ADAMTSL3: variants seen among roughly 807,000 people sequenced by gnomAD.
ADAMTSL3 encodes ADAMTS-like protein 3.
In ADAMTSL3, 128 loss-of-function variants were observed where a neutral mutation model predicts 201.7. The ratio of observed to expected loss-of-function variants is 0.63; its 90% confidence interval spans 0.55 to 0.73. The LOEUF is 0.73. Among genes scored for constraint, ADAMTSL3 ranks in the 30% least tolerant of loss-of-function variants. ADAMTSL3 has a pLI of 0.00. For missense variants in ADAMTSL3, 1,990 were observed against 2,119.6 expected (o/e 0.94, Z 1.20); for synonymous variants, 738 against 748.4 (o/e 0.99, Z 0.23).
At chr15:83,938,241 T>C (rs971142091) in intron 17 of ADAMTSL3, among the ~76,000 whole-genome samples, 3 of 152,208 alleles carry the variant, frequency 2.0e-5, no homozygotes, top group Admixed American at 6.5e-5. Flanking sequence ...GTTAAATAGG[T>C]GATGCACTCA....
At chr15:83,740,962 TAGAA>T (rs1180887845) in intron 3 of ADAMTSL3, among the ~76,000 whole-genome samples, 2 of 152,196 alleles carry the variant, frequency 1.3e-5, no homozygotes, top group African/African-American at 2.4e-5. Context: ...GTTTATTCCT[TAGAA>T]AGACACCAGG....
chr15:83,742,249 G>T (rs117738308), intron 3 of ADAMTSL3, among the ~76,000 whole-genome samples: 8,342 of 152,020 alleles, frequency 0.055, 297 homozygotes, highest in Non-Finnish European at 0.08. Context: ...TGAATCAAAG[G>T]AAAAATAAAA....
At chr15:83,997,834 G>A (rs2067715799) in intron 23 of ADAMTSL3, among the ~76,000 whole-genome samples, 3 of 152,010 alleles carry the variant, frequency 2.0e-5, no homozygotes, top group Non-Finnish European at 2.9e-5. Context: ...TATAAAATGA[G>A]GAATTATGAT....
chr15:83,983,275 A>G lies in ADAMTSL3; in HGVS notation c.3647A>G (p.Asp1216Gly). 1 of 1,607,346 alleles carries G rather than the reference A, an allele frequency of 6.2e-7. No homozygotes were observed. Among genetic ancestry groups the G allele is most frequent in the Non-Finnish European group, 8.5e-7 (1 of 1,176,778 alleles). Reference sequence around the variant, plus strand: ...ACAGAGGTCATCAATATACTGTGTGACCTTATTACCCCCAGTGAGGCCACA... The same window carrying G: ...ACAGAGGTCATCAATATACTGTGTGGCCTTATTACCCCCAGTGAGGCCACA... ...KRTEVINILC[D>G]LITPSEATYT... The change falls in exon 21 of 30, where the codon GAC (aspartate) becomes GGC (glycine). Residue 1216 changes from aspartate (D) to glycine (G), a missense_variant. Asp to Gly is a moderately conservative substitution (Grantham distance 94, BLOSUM62 -1). Transcript: ENST00000286744.
At chr15:83,768,549 G>A (rs2062928092) in intron 3 of ADAMTSL3, among the ~76,000 whole-genome samples, 1 of 152,156 alleles carries the variant, frequency 6.6e-6, no homozygotes, top group South Asian at 2.1e-4. Context: ...CCAAGAGAGA[G>A]CATAGTTGCA....
chr15:83,764,779 A>G (rs938525559), intron 3 of ADAMTSL3, among the ~76,000 whole-genome samples: 1 of 152,032 alleles, frequency 6.6e-6, no homozygotes, highest in African/African-American at 2.4e-5. Context: ...GCGTGTTTTA[A>G]AAATGCTTCC....
intron 6 of ADAMTSL3, among the ~76,000 whole-genome samples, chr15:83,832,145 A>G (rs992881649): frequency 3.9e-5 from 6 of 152,146 alleles, no homozygotes; most frequent in East Asian, 3.9e-4. Flanking sequence ...GATGGCCTCA[A>G]TTGAGTGAAA....
intron 26 of ADAMTSL3, among the ~76,000 whole-genome samples, chr15:84,022,129 A>C (rs912316003): frequency 6.6e-6 from 1 of 152,128 alleles, no homozygotes; most frequent in African/African-American, 2.4e-5. Flanking sequence ...CTCCATCCCC[A>C]GTATTTCAGA....
intron 21 of ADAMTSL3, 27 bp downstream of exon 21, chr15:83,983,371 A>G: frequency 7.2e-7 from 1 of 1,395,466 alleles, no homozygotes; most frequent in Non-Finnish European, 9.5e-7. Context: ...TGCAGTATTC[A>G]TTTTTGCACT....
chr15:83,894,829 A>T (rs567691865), intron 13 of ADAMTSL3, among the ~76,000 whole-genome samples: 1 of 152,050 alleles, frequency 6.6e-6, no homozygotes. Context: ...ATATATATAT[A>T]TATATTTCAA....
intron 2 of ADAMTSL3, among the ~76,000 whole-genome samples, chr15:83,665,658 A>G (rs1337036968): frequency 1.3e-5 from 2 of 152,210 alleles, no homozygotes; most frequent in Non-Finnish European, 2.9e-5. Flanking sequence ...GATTGCTTTC[A>G]GTTTATTTTT....
rs1263114028 is a variant in ADAMTSL3 at position 83,923,980 on chromosome 15, C to T, written c.2064C>T (p.Val688=). Residue 688 remains valine (V), a synonymous_variant, in exon 17 of 30, where the codon GTC becomes GTT. Coordinates refer to ENST00000286744, the MANE Select transcript of ADAMTSL3 (RefSeq NM_207517.3). The part of the protein sequence containing the change: ...QTVNDSLCDM[V]HRPPAMSQAC... ...TCAATGACAGCTTGTGTGATATGGT[C>T]CACCGTCCTCCAGCCATGAGCCAGG... 1.2e-6 allele frequency: 2 copies of T among 1,614,150 alleles called. No homozygotes were observed. The highest frequency in any genetic ancestry group is 2.2e-5 in the South Asian group (2 of 91,084).
intron 2 of ADAMTSL3, among the ~76,000 whole-genome samples, chr15:83,698,608 A>T (rs1197962465): frequency 2.1e-5 from 3 of 144,332 alleles, no homozygotes; most frequent in African/African-American, 7.8e-5. Flanking sequence ...TGGTCACCCC[A>T]TCCTGTGAGG....
chr15:83,975,144 G>A (rs950923747), intron 20 of ADAMTSL3, among the ~76,000 whole-genome samples: 1 of 151,860 alleles, frequency 6.6e-6, no homozygotes, highest in African/African-American at 2.4e-5. Flanking sequence ...TGGGACTACA[G>A]GCACCTGCTA....
intron 24 of ADAMTSL3, 143 bp downstream of exon 24, chr15:84,014,867 G>A (rs1303802946): frequency 3.6e-6 from 3 of 825,220 alleles, no homozygotes; most frequent in South Asian, 1.7e-5. Context: ...GCTTAAAAAC[G>A]AGCACTAAAT....
chr15:83,801,563 C>T (rs529476880), intron 4 of ADAMTSL3, among the ~76,000 whole-genome samples: 1 of 146,314 alleles, frequency 6.8e-6, no homozygotes, highest in South Asian at 2.2e-4. Flanking sequence ...AAACTAAAAT[C>T]TGTAGTGTGG....
At chr15:83,694,193 C>T (rs1017511525) in intron 2 of ADAMTSL3, 1 of 152,248 alleles carries the variant, frequency 6.6e-6, no homozygotes, top group African/African-American at 2.4e-5. Flanking sequence ...CTCCCTTCTG[C>T]ACCGCACTTT....
At chr15:83,831,533 CTT>C in intron 6 of ADAMTSL3, among the ~76,000 whole-genome samples, 1 of 152,224 alleles carries the variant, frequency 6.6e-6, no homozygotes, top group East Asian at 1.9e-4. Context: ...GAAGTGCCCT[CTT>C]TATTTATTAA....
At chr15:84,013,621 A>G (rs1427923082) in intron 23 of ADAMTSL3, among the ~76,000 whole-genome samples, 1 of 152,092 alleles carries the variant, frequency 6.6e-6, no homozygotes, top group African/African-American at 2.4e-5. Context: ...AAAAATTACA[A>G]AAATTAGCTG....
Sources: allele counts gnomAD v4.1 joint callset (sites outside exome capture counted in the v4.1 genomes callset), GRCh38; gene constraint gnomAD v4.1.1; transcripts MANE v1.5; gene names NCBI Gene and HGNC (gene_info 2026-07-23, HGNC 2026-07-21).